Variants in CADPS2 observed in about 807,000 individuals in gnomAD.
CADPS2 encodes the protein calcium dependent secretion activator 2, also known as calcium-dependent secretion activator 2.
CADPS2 carries 93 observed loss-of-function variants against 172.5 expected under a neutral mutation model. That is an observed-to-expected ratio of 0.54 (90% CI 0.46 to 0.64). CADPS2 has a LOEUF of 0.64. Ranked by LOEUF, CADPS2 falls within the 30% of genes least tolerant of loss-of-function variation. The probability of loss-of-function intolerance (pLI) is 0.00; values close to 1 mark genes in which losing one functional copy is unlikely to be tolerated. For missense variants in CADPS2, 1,420 were observed against 1,565.9 expected (o/e 0.91, Z 1.57); for synonymous variants, 546 against 555.2 (o/e 0.98, Z 0.23).
intron 9 of CADPS2, among the ~76,000 whole-genome samples, chr7:122,492,214 TA>T (rs1213214731): frequency 1.6e-4 from 25 of 151,944 alleles, no homozygotes; most frequent in Admixed American, 3.9e-4. Flanking sequence ...ATTAATTAAT[TA>T]AATTAAATTA....
chr7:122,670,303 G>A (rs1255772800), intron 2 of CADPS2, among the ~76,000 whole-genome samples: 2 of 152,106 alleles, frequency 1.3e-5, no homozygotes, highest in Non-Finnish European at 2.9e-5. Flanking sequence ...AGAAGACTGG[G>A]CACAGTGGCT....
intron 27 of CADPS2, among the ~76,000 whole-genome samples, chr7:122,353,270 A>T (rs1335082237): frequency 6.6e-6 from 1 of 152,196 alleles, no homozygotes; most frequent in African/African-American, 2.4e-5. Context: ...TGCAGTACAG[A>T]GGTGGGTAAG....
intron 6 of CADPS2, among the ~76,000 whole-genome samples, chr7:122,589,604 T>C (rs1297827603): frequency 2.6e-5 from 4 of 151,942 alleles, no homozygotes; most frequent in African/African-American, 9.7e-5. Flanking sequence ...TAAGTTTTCA[T>C]GGGAACATGG....
At chr7:122,567,970 C>T (rs2066683878) in intron 7 of CADPS2, among the ~76,000 whole-genome samples, 1 of 151,734 alleles carries the variant, frequency 6.6e-6, no homozygotes, top group South Asian at 2.1e-4. Context: ...TTGAAATAAC[C>T]CAGTTAAAAG....
At chr7:122,334,466 G>A (rs1563089026) in intron 28 of CADPS2, among the ~76,000 whole-genome samples, 1 of 152,204 alleles carries the variant, frequency 6.6e-6, no homozygotes, top group South Asian at 2.1e-4. Context: ...AAGAAAGGCA[G>A]AAAAATATTG....
intron 28 of CADPS2, among the ~76,000 whole-genome samples, chr7:122,334,433 T>A (rs1237790525): frequency 3.9e-5 from 6 of 152,214 alleles, no homozygotes; most frequent in Admixed American, 1.3e-4. Flanking sequence ...TCTACACTTG[T>A]TGGCTTCGTT....
chr7:122,541,348 C>T (rs1006001139), intron 8 of CADPS2, among the ~76,000 whole-genome samples: 1 of 141,274 alleles, frequency 7.1e-6, no homozygotes, highest in Non-Finnish European at 1.5e-5. Context: ...AGGCGCCCAC[C>T]ACCACACCCA....
chr7:122,623,768 T>G (rs2075821691), intron 4 of CADPS2, among the ~76,000 whole-genome samples: 2 of 152,176 alleles, frequency 1.3e-5, no homozygotes, highest in African/African-American at 4.8e-5. Context: ...ATTTTATATT[T>G]ATATGAAAAT....
intron 1 of CADPS2, among the ~76,000 whole-genome samples, chr7:122,858,996 CAG>C (rs2141250241): frequency 6.6e-6 from 1 of 152,220 alleles, no homozygotes; most frequent in Non-Finnish European, 1.5e-5. Flanking sequence ...GCCTGAGGGC[CAG>C]GCATATAAAA....
chr7:122,795,627 A>T (rs911487680), intron 1 of CADPS2, among the ~76,000 whole-genome samples: 5 of 152,206 alleles, frequency 3.3e-5, no homozygotes, highest in Non-Finnish European at 5.9e-5. Flanking sequence ...GAGAATCTCA[A>T]TCTATGTAGA....
chr7:122,645,645 CATATATCTCTAAGATATATATATAT>C (rs1478982376), intron 3 of CADPS2, among the ~76,000 whole-genome samples: 1 of 81,200 alleles, frequency 1.2e-5, no homozygotes, highest in Non-Finnish European at 2.3e-5. Flanking sequence ...CTCTAAGATA[CATATATCTCTAAGATATATATATAT>C]ATATATATAT....
intron 8 of CADPS2, among the ~76,000 whole-genome samples, chr7:122,514,469 A>C (rs772624748): frequency 1.3e-5 from 2 of 152,054 alleles, no homozygotes; most frequent in Non-Finnish European, 2.9e-5. Context: ...CATAACAAAC[A>C]TACTGTTTGC....
chr7:122,713,656 A>G (rs2089136942), intron 2 of CADPS2, among the ~76,000 whole-genome samples: 1 of 152,060 alleles, frequency 6.6e-6, no homozygotes, highest in Non-Finnish European at 1.5e-5. Flanking sequence ...GATAAGTATC[A>G]CTTTTCCATA....
chr7:122,712,772 T>C (rs572607964), intron 2 of CADPS2, among the ~76,000 whole-genome samples: 1 of 152,236 alleles, frequency 6.6e-6, no homozygotes, highest in Non-Finnish European at 1.5e-5. Context: ...TGGTGTCTCA[T>C]GAGGGCTTGC....
chr7:122,461,893 C>G (rs2054494578), intron 14 of CADPS2, among the ~76,000 whole-genome samples: 1 of 152,168 alleles, frequency 6.6e-6, no homozygotes, highest in Non-Finnish European at 1.5e-5. Context: ...CTCGCCTGGC[C>G]TGCCAAGAGC....
At chr7:122,838,435 T>C (rs4613916) in intron 1 of CADPS2, among the ~76,000 whole-genome samples, 67,408 of 151,920 alleles carry the variant, frequency 0.44, 17,380 homozygotes, top group African/African-American at 0.72. Flanking sequence ...CCAGGGCAAT[T>C]AGGCAGGAGG....
At chr7:122,464,008 T>A (rs1490518757) in intron 14 of CADPS2, among the ~76,000 whole-genome samples, 1 of 152,182 alleles carries the variant, frequency 6.6e-6, no homozygotes, top group Admixed American at 6.5e-5. Flanking sequence ...CTGGAAGCTA[T>A]GATTTTTCCA....
At chr7:122,372,667 T>G (rs926534834) in intron 25 of CADPS2, among the ~76,000 whole-genome samples, 7 of 152,256 alleles carry the variant, frequency 4.6e-5, no homozygotes, top group African/African-American at 7.2e-5. Context: ...TACGAGAAAT[T>G]CACTGTTATT....
intron 6 of CADPS2, among the ~76,000 whole-genome samples, chr7:122,585,998 T>C (rs2069621172): frequency 6.6e-6 from 1 of 151,988 alleles, no homozygotes; most frequent in South Asian, 2.1e-4. Flanking sequence ...GACAGCATTA[T>C]GTATAACAGT....
Sources: allele counts gnomAD v4.1 joint callset (sites outside exome capture counted in the v4.1 genomes callset), GRCh38; gene constraint gnomAD v4.1.1; transcripts MANE v1.5; gene names NCBI Gene and HGNC (gene_info 2026-07-23, HGNC 2026-07-21).